The following SMTN variants were observed in gnomAD, a reference collection of about 807,000 sequenced individuals.
SMTN encodes smoothelin.
In SMTN, 58 loss-of-function variants were observed where a neutral mutation model predicts 102.0. That is an observed-to-expected ratio of 0.57 (90% CI 0.46 to 0.71). The LOEUF is 0.71. Among genes scored for constraint, SMTN ranks in the 30% least tolerant of loss-of-function variants. SMTN has a pLI of 0.00. For synonymous variants in SMTN, 478 were observed against 497.9 expected, an observed-to-expected ratio of 0.96 and a Z score of 0.53; for missense variants, 1,185 against 1,241.7, an observed-to-expected ratio of 0.95 and a Z score of 0.69.
intron 11 of SMTN, chr22:31,093,597 G>T (rs773947870): frequency 1.3e-6 from 1 of 752,806 alleles, no homozygotes. Context: ...CCGTGGAGCC[G>T]GTGGCCCGGG....
chr22:31,097,579 C>T (rs959793281), intron 16 of SMTN, among the ~76,000 whole-genome samples: 1 of 152,090 alleles, frequency 6.6e-6, no homozygotes, highest in African/African-American at 2.4e-5. Flanking sequence ...TGGCAGGCAC[C>T]TGTAATCCCA....
rs773259667 is a variant in SMTN at position 31,098,850 on chromosome 22, A to C, written c.2333+10A>C. ...AGGAGGGCGCGGCCGGGTGAGCTGC[A>C]GAAGTGGGCTGGGCAGTGGGGGGCG... On this transcript the variant is annotated intron_variant, in intron 17 of 20. Transcript: ENST00000333137. 10 of 1,591,454 alleles carry C rather than the reference A, an allele frequency of 6.3e-6. No individual in the cohort carries two copies. In the South Asian group the frequency reaches 8.9e-5, roughly 14 times the overall value.
At chr22:31,085,270 T>G in intron 2 of SMTN, 1 of 1,511,320 alleles carries the variant, frequency 6.6e-7, no homozygotes, top group South Asian at 1.2e-5. Flanking sequence ...GGCTACCCCT[T>G]CGGCGCCTAG....
At chr22:31,088,252 G>A in intron 3 of SMTN, 139 bp downstream of exon 3, 1 of 1,047,558 alleles carries the variant, frequency 9.5e-7, no homozygotes, top group East Asian at 2.6e-5. Flanking sequence ...CACGCTTCTG[G>A]AAAAACAGAG....
chr22:31,100,077 G>T (rs2147805815), intron 19 of SMTN, among the ~76,000 whole-genome samples, 181 bp downstream of exon 19: 1 of 150,988 alleles, frequency 6.6e-6, no homozygotes, highest in African/African-American at 2.4e-5. Context: ...TGCTGAGCGT[G>T]CCAGGTGCCC....
At chr22:31,073,255 A>ACG (rs2042049967) in intron 1 of SMTN, among the ~76,000 whole-genome samples, 1 of 151,870 alleles carries the variant, frequency 6.6e-6, no homozygotes. Flanking sequence ...ACACACATAC[A>ACG]CACGCACGCA....
rs2043495006 is a variant in SMTN, at chr22:31,095,368, C to T, written c.1698C>T (p.Thr566=). ...AAGCGGCCAATGGGGCTGAGCAGAC[C>T]CGAGTGAACAAAGCACCAGAAGGGC... ...AVEAANGAEQ[T]RVNKAPEGRS... The change falls in exon 12 of 21, where the codon ACC becomes ACT. Residue 566 remains threonine (T), a synonymous_variant. Coordinates refer to ENST00000333137, the MANE Select transcript of SMTN (RefSeq NM_134269.3). The surrounding 1 kb of genome is among the most constrained non-coding windows in gnomAD (Gnocchi z 4.1). 6.2e-7 allele frequency: 1 copy of T among 1,614,108 alleles called. No homozygotes were observed. Among genetic ancestry groups the T allele is most frequent in the Admixed American group, 1.7e-5 (1 of 60,014 alleles).
chr22:31,083,013 C>A, intron 1 of SMTN, 166 bp from the exon 2 acceptor site: 1 of 1,421,090 alleles, frequency 7.0e-7, no homozygotes, highest in Non-Finnish European at 9.7e-7. Context: ...GTGAGTTTTC[C>A]AGCAAACCAC....
At chr22:31,081,738 CTG>C (rs1250199652) in intron 1 of SMTN, among the ~76,000 whole-genome samples, 1 of 152,202 alleles carries the variant, frequency 6.6e-6, no homozygotes, top group African/African-American at 2.4e-5. Flanking sequence ...CGACCCCAGA[CTG>C]TGTGACAGGG....
chr22:31,076,833 T>C (rs1210262405), upstream of SMTN, among the ~76,000 whole-genome samples: 4 of 152,154 alleles, frequency 2.6e-5, no homozygotes, highest in Admixed American at 2.6e-4. Context: ...GATCCCACAC[T>C]GACAGGTTGG....
At chr22:31,085,308 C>A in intron 2 of SMTN, 2 of 1,484,960 alleles carry the variant, frequency 1.3e-6, no homozygotes, top group South Asian at 1.3e-5. Flanking sequence ...GAGGCGAGGG[C>A]GGCGCCCTGC....
At position 31,099,135 on chromosome 22, in the gene SMTN, C is replaced by CAG; in HGVS notation, c.2409_2410dup (p.Met804ArgfsTer108). On this transcript the variant is annotated frameshift_variant, in exon 18 of 21. Coordinates refer to ENST00000333137, the MANE Select transcript of SMTN (RefSeq NM_134269.3). LOFTEE classifies it high-confidence loss of function. ...GGTCCCCAACGCCAACAGCATCAAG[C>CAG]AGATGCTGCTGGACTGGTGTCGAGC... is the stretch of plus-strand genomic sequence containing the variant. 1 of 1,613,276 alleles carries CAG rather than the reference C, an allele frequency of 6.2e-7. No homozygotes were observed. Among genetic ancestry groups the CAG allele is most frequent in the Non-Finnish European group, 8.5e-7 (1 of 1,179,888 alleles).
intron 13 of SMTN, chr22:31,096,523 T>G (rs1183239759): frequency 8.4e-6 from 4 of 477,226 alleles, no homozygotes; most frequent in Non-Finnish European, 1.5e-5. Flanking sequence ...TCTGCCTGAG[T>G]CCATCAAACC....
chr22:31,089,832 C>A lies in SMTN; in HGVS notation c.605C>A (p.Pro202His). ...RAPPGSTSSS[P>H]ASPSSSPTPA... ...CCACCTGGGAGCACATCCAGCTCAC[C>A]TGCCTCACCCAGCAGTTCACCCACC... The change falls in exon 7 of 21, where the codon CCT becomes CAT. Residue 202 changes from proline (P) to histidine (H), a missense_variant. Coordinates refer to ENST00000333137, the MANE Select transcript of SMTN (RefSeq NM_134269.3). 1.9e-6 allele frequency: 3 copies of A among 1,613,828 alleles called. No individual in the cohort carries two copies. The South Asian group carries it at 3.3e-5, about 18-fold the overall frequency.
At chr22:31,089,628 C>T in intron 6 of SMTN, 71 bp from the exon 7 acceptor site, 5 of 1,446,494 alleles carry the variant, frequency 3.5e-6, no homozygotes, top group Non-Finnish European at 4.7e-6. Flanking sequence ...ACTTGCCAGC[C>T]TGGCCCTCAG....
intron 2 of SMTN, 103 bp from the exon 3 acceptor site, chr22:31,087,862 T>A: frequency 7.9e-7 from 1 of 1,270,210 alleles, no homozygotes; most frequent in Non-Finnish European, 1.1e-6. Flanking sequence ...ACACAGGGAG[T>A]GGACACAGGC....
At chr22:31,096,450 G>C in intron 13 of SMTN, 1 of 363,082 alleles carries the variant, frequency 2.8e-6, no homozygotes, top group Non-Finnish European at 4.9e-6. Context: ...AGCTACTCAT[G>C]CCTATAGAAA....
chr22:31,088,340 T>C, intron 3 of SMTN, 173 bp from the exon 4 acceptor site: 1 of 751,930 alleles, frequency 1.3e-6, no homozygotes, highest in Non-Finnish European at 2.2e-6. Flanking sequence ...GAGTGTGTGG[T>C]ATTAGTGCCC....
chr22:31,096,653 T>C (rs2043600319), intron 13 of SMTN, 80 bp from the exon 14 acceptor site: 1 of 1,435,818 alleles, frequency 7.0e-7, no homozygotes, highest in African/African-American at 1.4e-5. Flanking sequence ...CCCCGTCTTG[T>C]GTGCCCCATG....
Sources: allele counts gnomAD v4.1 joint callset (sites outside exome capture counted in the v4.1 genomes callset), GRCh38; gene constraint gnomAD v4.1.1; non-coding constraint Gnocchi (gnomAD v3.1); transcripts MANE v1.5; gene names NCBI Gene and HGNC (gene_info 2026-07-23, HGNC 2026-07-21).